RPS29: variants seen among roughly 807,000 people sequenced by gnomAD.
RPS29 encodes the protein ribosomal protein S29, also known as small ribosomal subunit protein uS14.
For synonymous variants in RPS29, 37 were observed against 26.9 expected (o/e 1.37, Z -1.16); for missense variants, 60 against 75.7 (o/e 0.79, Z 0.77).
At chr14:49,587,155 C>G (rs950305283), upstream of RPS29, among the ~76,000 whole-genome samples, 4 of 152,056 alleles carry the variant, frequency 2.6e-5, no homozygotes, top group Admixed American at 6.5e-5. Context: ...AAGAAATACA[C>G]CTACACCATT....
At chr14:49,582,069 A>G (rs1404181032), downstream of RPS29, among the ~76,000 whole-genome samples, 1 of 151,098 alleles carries the variant, frequency 6.6e-6, no homozygotes, top group East Asian at 1.9e-4. Flanking sequence ...CATCTATCCT[A>G]ATGCAAGCAA....
chr14:49,586,425 C>T, upstream of RPS29: 1 of 1,301,930 alleles, frequency 7.7e-7, no homozygotes, highest in South Asian at 1.2e-5. Context: ...AGACAGTTTA[C>T]CCAGAATGCA....
downstream of RPS29, among the ~76,000 whole-genome samples, chr14:49,579,443 T>C (rs141351099): frequency 2.6e-5 from 4 of 152,334 alleles, no homozygotes; most frequent in African/African-American, 7.2e-5. Context: ...GGCTCACACA[T>C]GTAGTCCTAG....
chr14:49,588,509 C>G (rs1004726488), upstream of RPS29, among the ~76,000 whole-genome samples: 4 of 145,684 alleles, frequency 2.7e-5, no homozygotes, highest in East Asian at 7.7e-4. Context: ...TTATCAAGAG[C>G]TTTTATGTTT....
upstream of RPS29, chr14:49,586,607 T>C (rs1303484391): frequency 2.0e-5 from 10 of 500,092 alleles, no homozygotes; most frequent in Non-Finnish European, 3.7e-5. Context: ...GTGCCTGTAG[T>C]CCCAGCTACT....
At chr14:49,580,048 ATG>A (rs576911601), downstream of RPS29, among the ~76,000 whole-genome samples, 1,465 of 152,286 alleles carry the variant, frequency 9.6e-3, 22 homozygotes, top group African/African-American at 0.034. Context: ...CACTACCACC[ATG>A]TATACACAGG....
At chr14:49,598,615 C>G (rs530985688) in exon 1 of RPS29, 2 of 701,466 alleles carry the variant, frequency 2.9e-6, no homozygotes, top group Admixed American at 2.0e-5. Context: ...TGCCTTCCCT[C>G]GGGAAACAGC....
In RPS29 at chr14:49,593,671, C is replaced by T. The variant is rs529895477; in HGVS notation, c.-133+4729G>A. ...TCACGGCATCGCACTCCAGCCTGGG[C>T]GACAGAGCAAGACTCTGTCTCAAAA... is the stretch of plus-strand genomic sequence containing the variant. On this transcript the variant is annotated intron_variant, in intron 1 of 3. Coordinates refer to the RPS29 transcript ENST00000556230. 9.0e-5 allele frequency among the ~76,000 whole-genome samples: 10 copies of T among 111,720 alleles called. No individual in the cohort carries two copies. The South Asian group carries it at 9.1e-4, about 10-fold the overall frequency. 73.3% of individuals were successfully genotyped at this position (111,720 alleles called of 152,430 possible).
chr14:49,586,465 G>C (rs113212538), upstream of RPS29: 13 of 894,948 alleles, frequency 1.5e-5, no homozygotes, highest in African/African-American at 8.2e-5. Flanking sequence ...GCGCAGTGTG[G>C]TCAGGTTGTT....
rs552196339 is a variant in RPS29, at chr14:49,592,993, C to T, written c.-133+5407G>A. The stretch of plus-strand genomic sequence containing the variant: ...TTCTTTAAAGGTTACATGTGTTTTC[C>T]TGTGATATTTTTAAAGTTTTTATTT... On this transcript the variant is annotated intron_variant, in intron 1 of 3. Transcript: ENST00000556230. Among the ~76,000 whole-genome samples, 20 of 152,108 alleles carry T rather than the reference C, an allele frequency of 1.3e-4. No individual in the cohort carries two copies. The South Asian group carries it at 4.2e-3, about 32-fold the overall frequency.
intron 1 of RPS29, chr14:49,598,283 CGG>C (rs1881882177): frequency 1.7e-5 from 10 of 597,736 alleles, no homozygotes; most frequent in Non-Finnish European, 3.0e-5. Flanking sequence ...ACTCCCCAGC[CGG>C]GCCCCGTCCT....
chr14:49,577,625 C>T (rs556002871), exon 3 of RPS29: 1 of 707,674 alleles, frequency 1.4e-6, no homozygotes, highest in African/African-American at 1.8e-5. Context: ...CTCCCATAAC[C>T]AATGTTGGGC....
chr14:49,586,437 T>G (rs925371335), upstream of RPS29: 4 of 1,159,584 alleles, frequency 3.4e-6, no homozygotes, highest in East Asian at 2.4e-5. Context: ...CAGAATGCAG[T>G]GCTCAAAGGA....
chr14:49,585,363 CAAAAAAAAAAAA>C (rs60323459), intron 2 of RPS29: 33,783 of 100,180 alleles, frequency 0.34, 4,310 homozygotes, highest in African/African-American at 0.43. Flanking sequence ...GACTCCGACT[CAAAAAAAAAAAA>C]AAAAAAACTT....
chr14:49,572,746 T>C (rs939251040), exon 3 of RPS29: 2 of 152,200 alleles, frequency 1.3e-5, no homozygotes, highest in Non-Finnish European at 2.9e-5. Flanking sequence ...CCTGACCATG[T>C]AGAAAACTTT....
At chr14:49,597,518 T>C (rs904105361) in intron 1 of RPS29, 3 of 152,220 alleles carry the variant, frequency 2.0e-5, no homozygotes. Flanking sequence ...CAAAAGCAGG[T>C]AACTCCTATA....
At chr14:49,593,972 T>A (rs921863312) in intron 1 of RPS29, among the ~76,000 whole-genome samples, 1 of 152,202 alleles carries the variant, frequency 6.6e-6, no homozygotes, top group African/African-American at 2.4e-5. Context: ...TCTAGTCCTG[T>A]TTATTCTAAC....
intron 1 of RPS29, among the ~76,000 whole-genome samples, chr14:49,592,730 G>A (rs1184776452): frequency 6.7e-6 from 1 of 148,790 alleles, no homozygotes; most frequent in Non-Finnish European, 1.5e-5. Context: ...CCAACATGGA[G>A]AAACCACGTG....
At chr14:49,579,842 C>T (rs1881286811), downstream of RPS29, among the ~76,000 whole-genome samples, 1 of 152,170 alleles carries the variant, frequency 6.6e-6, no homozygotes, top group Non-Finnish European at 1.5e-5. Context: ...AGAGCATAGG[C>T]ACTGATTTCA....
Sources: gnomAD v4.1 joint callset for allele counts (sites outside exome capture counted in the v4.1 genomes callset) on GRCh38, gnomAD v4.1.1 for gene constraint, MANE v1.5 for transcripts, NCBI Gene and HGNC (gene_info 2026-07-23, HGNC 2026-07-21) for gene names.